The following PHF14 variants were observed in gnomAD, a reference collection of about 807,000 sequenced individuals.
The protein encoded by PHF14 is PHD finger protein 14.
A neutral mutation model predicts 117.9 loss-of-function variants in PHF14; 55 were observed. The observed-to-expected ratio is 0.47, with a 90% CI of 0.38 to 0.58. The LOEUF (loss-of-function observed/expected upper bound fraction) is 0.58, where lower values mean the gene tolerates loss of function less well. PHF14 is among the 20% of genes least tolerant of loss of function. PHF14 has a pLI of 0.00. For synonymous variants in PHF14, 409 were observed against 368.6 expected (o/e 1.11, Z -1.26); for missense variants, 978 against 1,122.2 (o/e 0.87, Z 1.84).
intron 17 of PHF14, among the ~76,000 whole-genome samples, chr7:11,116,321 C>T (rs10251095): frequency 0.57 from 87,023 of 151,614 alleles, 26,735 homozygotes; most frequent in East Asian, 0.85. Context: ...TAGTGGAAAA[C>T]GATATTTAGA....
At chr7:11,031,693 G>T (rs945550795) in intron 7 of PHF14, among the ~76,000 whole-genome samples, 22 of 151,970 alleles carry the variant, frequency 1.4e-4, no homozygotes, top group African/African-American at 5.3e-4. Flanking sequence ...GTTTGAGGCT[G>T]CATTGAACTA....
At chr7:11,135,862 T>C (rs1179666256) in intron 17 of PHF14, among the ~76,000 whole-genome samples, 8 of 152,186 alleles carry the variant, frequency 5.3e-5, no homozygotes, top group South Asian at 2.1e-4. Context: ...CTAACCTGAT[T>C]CAAAGCTTGT....
intron 16 of PHF14, chr7:11,103,767 C>G (rs986729623): frequency 1.0e-6 from 1 of 984,668 alleles, no homozygotes; most frequent in African/African-American, 1.8e-5. Context: ...CTAGTGATCT[C>G]TAGTTACAGT....
chr7:11,050,600 C>T (rs1784825166), intron 13 of PHF14, among the ~76,000 whole-genome samples: 1 of 152,092 alleles, frequency 6.6e-6, no homozygotes, highest in Non-Finnish European at 1.5e-5. Flanking sequence ...GTATTTGCCA[C>T]ATTTCAAGTG....
At chr7:11,137,983 C>A (rs1016310816) in intron 17 of PHF14, among the ~76,000 whole-genome samples, 4 of 151,844 alleles carry the variant, frequency 2.6e-5, no homozygotes, top group Non-Finnish European at 4.4e-5. Flanking sequence ...TAAACATAAA[C>A]AGACCAGCAG....
intron 17 of PHF14, among the ~76,000 whole-genome samples, chr7:11,140,225 A>T (rs1355301082): frequency 6.6e-6 from 1 of 152,088 alleles, no homozygotes; most frequent in Admixed American, 6.6e-5. Context: ...CCGTTATACG[A>T]CCCTACCGTA....
chr7:11,103,907 A>C, intron 16 of PHF14: 2 of 981,674 alleles, frequency 2.0e-6, no homozygotes, highest in Non-Finnish European at 2.4e-6. Context: ...CTTTAGCAAA[A>C]CTAGTAGACT....
intron 16 of PHF14, among the ~76,000 whole-genome samples, chr7:11,090,734 G>T (rs1450090827): frequency 6.6e-6 from 1 of 152,136 alleles, no homozygotes; most frequent in Non-Finnish European, 1.5e-5. Context: ...ATACTGAAAG[G>T]CATTCACTTA....
At chr7:11,038,716 G>T in intron 10 of PHF14, 44 bp from the exon 11 acceptor site, 2 of 754,260 alleles carry the variant, frequency 2.7e-6, no homozygotes, top group Non-Finnish European at 4.3e-6. Context: ...TTCTTAAATT[G>T]TCAGATATTT....
intron 17 of PHF14, among the ~76,000 whole-genome samples, chr7:11,165,773 G>A (rs902391904): frequency 2.6e-5 from 4 of 152,130 alleles, no homozygotes; most frequent in East Asian, 1.9e-4. Flanking sequence ...AAGAAAAACC[G>A]AGGGTCTCCT....
intron 2 of PHF14, among the ~76,000 whole-genome samples, chr7:10,979,077 T>C (rs1392435762): frequency 1.3e-5 from 2 of 152,196 alleles, no homozygotes; most frequent in Admixed American, 6.5e-5. Context: ...GATGAACAAA[T>C]TTATATTGCA....
intron 16 of PHF14, chr7:11,062,974 A>G: frequency 1.1e-6 from 1 of 900,624 alleles, no homozygotes. Flanking sequence ...AAACATTTCA[A>G]AAAGAATAAA....
chr7:11,008,404 G>C (rs1270967323), intron 4 of PHF14, among the ~76,000 whole-genome samples: 2 of 152,282 alleles, frequency 1.3e-5, no homozygotes, highest in Admixed American at 6.5e-5. Flanking sequence ...CTCACAGCAG[G>C]GGGTGAGCGG....
chr7:11,142,691 AATG>A (rs1390720725), intron 17 of PHF14, among the ~76,000 whole-genome samples: 2 of 152,076 alleles, frequency 1.3e-5, no homozygotes, highest in African/African-American at 2.4e-5. Flanking sequence ...TAGGGGAAAA[AATG>A]ATGATAAGAT....
intron 17 of PHF14, among the ~76,000 whole-genome samples, chr7:11,133,893 T>G (rs1028502679): frequency 1.3e-5 from 2 of 151,994 alleles, no homozygotes; most frequent in Non-Finnish European, 2.9e-5. Context: ...TAGGAAATAA[T>G]TTTGGAGTTT....
intron 16 of PHF14, among the ~76,000 whole-genome samples, chr7:11,080,580 G>T (rs1374181872): frequency 2.0e-5 from 3 of 152,188 alleles, no homozygotes; most frequent in Non-Finnish European, 4.4e-5. Flanking sequence ...AACTCTGCTG[G>T]TTTTTCTCCC....
At chr7:11,010,659 C>A (rs1342936646) in intron 4 of PHF14, among the ~76,000 whole-genome samples, 1 of 151,794 alleles carries the variant, frequency 6.6e-6, no homozygotes, top group Non-Finnish European at 1.5e-5. Context: ...CACACACATG[C>A]ATAATCTGAA....
intron 10 of PHF14, among the ~76,000 whole-genome samples, chr7:11,038,257 C>T: frequency 6.6e-6 from 1 of 151,854 alleles, no homozygotes; most frequent in East Asian, 1.9e-4. Flanking sequence ...ATGGCAAAAC[C>T]CCGTCTCTAC....
At chr7:11,155,532 T>A (rs112147980) in intron 17 of PHF14, among the ~76,000 whole-genome samples, 4 of 152,208 alleles carry the variant, frequency 2.6e-5, no homozygotes, top group African/African-American at 9.7e-5. Context: ...CTCCATTGTT[T>A]GCTTGACCAA....
Sources: allele counts gnomAD v4.1 joint callset (sites outside exome capture counted in the v4.1 genomes callset), GRCh38; gene constraint gnomAD v4.1.1; transcripts MANE v1.5; gene names NCBI Gene and HGNC (gene_info 2026-07-23, HGNC 2026-07-21).